Variants in GYPB observed in about 807,000 individuals in gnomAD.
GYPB encodes glycophorin-B.
Under a neutral mutation model 15.3 loss-of-function variants are expected in GYPB, and 13 were observed. The ratio of observed to expected loss-of-function variants is 0.85; its 90% CI spans 0.55 to 1.35. GYPB has a LOEUF of 1.35. GYPB is among the 40% of genes most tolerant of loss of function. GYPB has a pLI of 0.00. For missense variants in GYPB, 131 were observed against 108.3 expected (o/e 1.21, Z -0.93); for synonymous variants, 38 against 36.9 (o/e 1.03, Z -0.11).
At chr4:144,015,681 G>C (rs1196534979) in intron 1 of GYPB, among the ~76,000 whole-genome samples, 1 of 151,294 alleles carries the variant, frequency 6.6e-6, no homozygotes, top group Admixed American at 6.6e-5. Flanking sequence ...CCTCTATTCA[G>C]ACCTTTTCTG....
intron 1 of GYPB, among the ~76,000 whole-genome samples, chr4:144,003,417 C>G (rs547159779): frequency 6.6e-6 from 1 of 151,290 alleles, no homozygotes; most frequent in Non-Finnish European, 1.5e-5. Context: ...CTTATCACTT[C>G]TTAACATTCC....
At chr4:143,995,443 G>T (rs1340914737), downstream of GYPB, among the ~76,000 whole-genome samples, 2 of 151,310 alleles carry the variant, frequency 1.3e-5, no homozygotes, top group Non-Finnish European at 2.9e-5. Flanking sequence ...GGGTAAGGCA[G>T]TCAGAATGTA....
At chr4:143,999,523 A>T (rs749661091) in intron 2 of GYPB, 74 bp from the exon 3 acceptor site, 8 of 803,288 alleles carry the variant, frequency 1.0e-5, no homozygotes, top group Non-Finnish European at 1.7e-5. Flanking sequence ...TTGGAATCAA[A>T]CTGTTCTGCG....
At chr4:144,002,351 G>A (rs1409711375) in intron 1 of GYPB, among the ~76,000 whole-genome samples, 1 of 151,442 alleles carries the variant, frequency 6.6e-6, no homozygotes, top group African/African-American at 2.5e-5. Flanking sequence ...TGTATATAAT[G>A]TTTACAAGTC....
chr4:144,005,247 G>C (rs1229305740), intron 1 of GYPB, among the ~76,000 whole-genome samples: 1 of 151,966 alleles, frequency 6.6e-6, no homozygotes, highest in Non-Finnish European at 1.5e-5. Context: ...AGCATATCTG[G>C]TAAGCAGCAG....
chr4:144,007,219 A>G (rs1727965910), intron 1 of GYPB, among the ~76,000 whole-genome samples: 1 of 151,090 alleles, frequency 6.6e-6, no homozygotes, highest in African/African-American at 2.5e-5. Context: ...TGGATAGCCT[A>G]TTCTCAATAC....
In GYPB at chr4:144,016,434, C is replaced by T. The variant is rs1449906496; in HGVS notation, c.37+2817G>A. On this transcript the variant is annotated intron_variant, in intron 1 of 4. Transcript: ENST00000502664. Reference sequence around the variant, plus strand: ...TTTTTCCTTCTTTTCTTTCTTCCTTCCTCTCCCTCTCTGCTTCTCTCTCCT... The same window carrying T: ...TTTTTCCTTCTTTTCTTTCTTCCTTTCTCTCCCTCTCTGCTTCTCTCTCCT... 1.2e-3 allele frequency among the ~76,000 whole-genome samples: 184 copies of T among 147,832 alleles called. 1 individual carries two copies. The highest frequency in any genetic ancestry group is 4.5e-3 in the African/African-American group (173 of 38,070).
At chr4:143,997,656 T>C (rs777615141) in intron 3 of GYPB, 22 bp from the exon 4 acceptor site, 1 of 1,185,460 alleles carries the variant, frequency 8.4e-7, no homozygotes, top group South Asian at 1.2e-5. Context: ...AGCAAAATTA[T>C]GAAAGTCTGA....
rs1329587285 is a variant in GYPB, at chr4:143,996,268, G to A, written c.*31C>T. ...AGAACAGCAGGTGCAGCCGGTTCTA[G>A]GCAAGATCAGGCAGCATGCAGGCCA... On this transcript the variant is annotated 3_prime_UTR_variant, in exon 5 of 5. Coordinates refer to ENST00000502664, the MANE Select transcript of GYPB (RefSeq NM_002100.6). The A allele has an allele frequency of 1.2e-5, 18 of 1,550,596 alleles. No homozygotes were observed. Among genetic ancestry groups the A allele is most frequent in the Middle Eastern group, 1.7e-4 (1 of 6,004 alleles).
intron 1 of GYPB, among the ~76,000 whole-genome samples, chr4:144,011,717 AT>A: frequency 6.6e-6 from 1 of 151,350 alleles, no homozygotes; most frequent in African/African-American, 2.5e-5. Context: ...GATTTATATG[AT>A]TTTTTGCTAA....
chr4:143,997,536 T>C lies in GYPB; in HGVS notation c.270+4A>G. On this transcript the variant is annotated splice_donor_region_variant and intron_variant, in intron 4 of 4. Transcript: ENST00000502664. ...TAGAGCAAAATTAAAAACTGAATTCTCACCTTTATCAGTCGGCGAATACTG... is the reference window on the plus strand; with the variant it reads ...TAGAGCAAAATTAAAAACTGAATTCCCACCTTTATCAGTCGGCGAATACTG... 4 of 1,532,796 alleles carry C rather than the reference T, an allele frequency of 2.6e-6. No homozygotes were observed. Among genetic ancestry groups the C allele is most frequent in the Non-Finnish European group, 3.6e-6 (4 of 1,109,060 alleles). The allele number at this position is 1,532,796 out of a possible 1,614,324, so 94.9% of individuals were successfully genotyped here.
chr4:144,019,200 T>C, intron 1 of GYPB, 51 bp downstream of exon 1: 1 of 1,608,580 alleles, frequency 6.2e-7, no homozygotes, highest in Non-Finnish European at 8.5e-7. Flanking sequence ...TATTTTATTC[T>C]ATGATCTCAT....
chr4:144,017,282 C>G (rs576529070), intron 1 of GYPB, among the ~76,000 whole-genome samples: 1 of 148,226 alleles, frequency 6.7e-6, no homozygotes, highest in Non-Finnish European at 1.5e-5. Context: ...TTAGAAATAT[C>G]GGCTTTATTC....
rs751780610 is a variant in GYPB at position 143,999,422 on chromosome 4, A to T, written c.164T>A (p.Phe55Tyr). The change falls in exon 3 of 5, where the codon TTC becomes TAC. Residue 55 changes from phenylalanine (F) to tyrosine (Y), a missense_variant. Transcript: ENST00000502664. ...AAATATTAACATACCTGGTACAGTGAAACGATGGACAAGTTGTCCCGTTTC... is the reference window on the plus strand; with the variant it reads ...AAATATTAACATACCTGGTACAGTGTAACGATGGACAAGTTGTCCCGTTTC... ...NGETGQLVHR[F>Y]TVPAPVVIIL... 1 of 1,540,028 alleles carries T rather than the reference A, an allele frequency of 6.5e-7. No individual in the cohort carries two copies. Among genetic ancestry groups the T allele is most frequent in the Non-Finnish European group, 8.9e-7 (1 of 1,117,664 alleles).
At chr4:144,006,578 T>A (rs1383256019) in intron 1 of GYPB, among the ~76,000 whole-genome samples, 1 of 151,996 alleles carries the variant, frequency 6.6e-6, no homozygotes, top group East Asian at 1.9e-4. Context: ...TTTTGCTGTA[T>A]GCCAAAACTT....
At chr4:144,005,859 G>A (rs1305318658) in intron 1 of GYPB, among the ~76,000 whole-genome samples, 2 of 151,530 alleles carry the variant, frequency 1.3e-5, no homozygotes, top group East Asian at 3.8e-4. Flanking sequence ...TGAAGGATGG[G>A]CAGAGTTTTA....
At chr4:143,995,338 C>T (rs184300197), downstream of GYPB, among the ~76,000 whole-genome samples, 1 of 151,486 alleles carries the variant, frequency 6.6e-6, no homozygotes, top group Admixed American at 6.5e-5. Context: ...TTACTGCTCA[C>T]TTAGGGGAGG....
chr4:144,013,634 T>C (rs1018590070), intron 1 of GYPB, among the ~76,000 whole-genome samples: 1 of 150,674 alleles, frequency 6.6e-6, no homozygotes, highest in South Asian at 2.1e-4. Flanking sequence ...ATGGATGAAA[T>C]TGGAAATCAT....
At chr4:144,005,202 T>C (rs1278558978) in intron 1 of GYPB, among the ~76,000 whole-genome samples, 1 of 151,968 alleles carries the variant, frequency 6.6e-6, no homozygotes, top group Non-Finnish European at 1.5e-5. Flanking sequence ...AGATAGACAT[T>C]TGGTCTCATA....
Sources: gnomAD v4.1 joint callset for allele counts (sites outside exome capture counted in the v4.1 genomes callset) on GRCh38, gnomAD v4.1.1 for gene constraint, MANE v1.5 for transcripts, NCBI Gene and HGNC (gene_info 2026-07-23, HGNC 2026-07-21) for gene names.